Variants in TIAM2 observed in about 807,000 individuals in gnomAD.
The protein encoded by TIAM2 is rho guanine nucleotide exchange factor TIAM2.
In TIAM2, 80 loss-of-function variants were observed where a neutral mutation model predicts 152.9. That is an observed-to-expected ratio of 0.52 (90% CI 0.44 to 0.63). The LOEUF is 0.63. Among genes scored for constraint, TIAM2 ranks in the 30% least tolerant of loss-of-function variants. TIAM2 has a pLI of 0.00. For synonymous variants in TIAM2, 804 were observed against 838.0 expected, an observed-to-expected ratio of 0.96 and a Z score of 0.70; for missense variants, 1,965 against 2,120.1, an observed-to-expected ratio of 0.93 and a Z score of 1.44.
intron 1 of TIAM2, among the ~76,000 whole-genome samples, chr6:155,057,017 C>CTTTTTTTTTTTTTTTTTTTTTTTT (rs71023612): frequency 2.3e-5 from 1 of 43,870 alleles, no homozygotes; most frequent in African/African-American, 8.1e-5. Flanking sequence ...AGTTTTCTTT[C>CTTTTTTTTTTTTTTTTTTTTTTTT]TTTTTTTTTT....
At chr6:155,150,432 A>C (rs1215258293) in intron 7 of TIAM2, among the ~76,000 whole-genome samples, 2 of 152,102 alleles carry the variant, frequency 1.3e-5, no homozygotes, top group Non-Finnish European at 2.9e-5. Flanking sequence ...TGGTGTTAAA[A>C]AGTTGTTAAG....
chr6:155,102,123 A>C (rs1417120853), intron 2 of TIAM2, among the ~76,000 whole-genome samples: 1 of 151,676 alleles, frequency 6.6e-6, no homozygotes, highest in Non-Finnish European at 1.5e-5. Flanking sequence ...CAGCCTCCCA[A>C]ATAGCTAGGG....
intron 1 of TIAM2, among the ~76,000 whole-genome samples, chr6:155,008,450 A>G (rs928176474): frequency 6.6e-6 from 1 of 152,254 alleles, no homozygotes; most frequent in Non-Finnish European, 1.5e-5. Flanking sequence ...GGTGAAACAC[A>G]GTCACTTTCC....
In TIAM2 at chr6:155,144,329, A is replaced by G. The variant is rs111754183; in HGVS notation, c.1631-277A>G. Among the ~76,000 whole-genome samples, 174 of 152,346 alleles carry G rather than the reference A, an allele frequency of 1.1e-3. 1 individual carries two copies. The highest frequency in any genetic ancestry group is 4.0e-3 in the African/African-American group (165 of 41,584). ...TTAGGGCCTCTATGGGGATTAAATA[A>G]GCCAGTGCATGTGGAGTACTTAGAA... On this transcript the variant is annotated intron_variant, in intron 5 of 26. Coordinates refer to ENST00000682666, the MANE Select transcript of TIAM2 (RefSeq NM_012454.4).
chr6:155,118,848 A>C (rs1457803574), intron 2 of TIAM2, among the ~76,000 whole-genome samples: 1 of 143,884 alleles, frequency 7.0e-6, no homozygotes, highest in Non-Finnish European at 1.5e-5. Context: ...TTGAATGTCC[A>C]GTGAATGTGT....
intron 2 of TIAM2, among the ~76,000 whole-genome samples, chr6:155,105,158 G>T (rs542414477): frequency 6.6e-6 from 1 of 151,858 alleles, no homozygotes; most frequent in East Asian, 1.9e-4. Context: ...GGGTTTCACC[G>T]TGTTAGCCAG....
intron 4 of TIAM2, among the ~76,000 whole-genome samples, chr6:155,131,922 T>C (rs1779458696): frequency 6.6e-6 from 1 of 152,058 alleles, no homozygotes; most frequent in Non-Finnish European, 1.5e-5. Context: ...GCTAATGGCA[T>C]CCTGAAAATA....
chr6:155,003,030 C>A (rs1366304765), intron 1 of TIAM2, among the ~76,000 whole-genome samples: 1 of 151,946 alleles, frequency 6.6e-6, no homozygotes, highest in Non-Finnish European at 1.5e-5. Flanking sequence ...TTATATCCAG[C>A]CTGGTGCTTT....
rs541402830 is a variant in TIAM2, at chr6:155,241,366, C to T, written c.3348+657C>T. On this transcript the variant is annotated intron_variant, in intron 16 of 26. Transcript: ENST00000682666. ...TGGAGCTTTGGTACCATTTGAAGCT[C>T]GCTTCATTTGTCAGTTACTGAAGCA... Among the ~76,000 whole-genome samples, 7 of 152,300 alleles carry T rather than the reference C, an allele frequency of 4.6e-5. No homozygotes were observed. In the South Asian group the frequency reaches 8.3e-4, roughly 18 times the overall value.
intron 14 of TIAM2, among the ~76,000 whole-genome samples, chr6:155,198,140 T>G (rs774041195): frequency 1.3e-5 from 2 of 152,228 alleles, no homozygotes; most frequent in Non-Finnish European, 2.9e-5. Flanking sequence ...TCTTGGGCTC[T>G]TCCTCTTTTG....
Position 155,211,260 on chromosome 6 carries a change from A to C in TIAM2, c.3121A>C (p.Thr1041Pro). 1 of 1,613,624 alleles carries C rather than the reference A, an allele frequency of 6.2e-7. No homozygotes were observed. Among genetic ancestry groups the C allele is most frequent in the Non-Finnish European group, 8.5e-7 (1 of 1,179,620 alleles). Residue 1041 changes from threonine to proline, a missense_variant, in exon 15 of 27, where the codon ACT becomes CCT. Around this residue, in one of 3 missense-constraint regions of TIAM2, gnomAD observed 935 missense variants for 980.0 expected, o/e 0.95. Coordinates refer to ENST00000682666, the MANE Select transcript of TIAM2 (RefSeq NM_012454.4). ...TGLKRSQTDG[T>P]LDQVSHREKM... is the part of the protein sequence containing the mutation. ...TCTGAAAAGGAGTCAGACAGATGGC[A>C]CTCTGGATCAGGTTTCCCACAGGGA... is the stretch of plus-strand genomic sequence containing the variant.
At chr6:155,250,658 C>A in intron 21 of TIAM2, 3 of 1,521,934 alleles carry the variant, frequency 2.0e-6, no homozygotes, top group Non-Finnish European at 2.6e-6. Flanking sequence ...GAGTTGGTCA[C>A]AAGGCATGTC....
intron 1 of TIAM2, among the ~76,000 whole-genome samples, chr6:155,027,118 C>T (rs998746793): frequency 5.3e-5 from 8 of 151,808 alleles, no homozygotes; most frequent in African/African-American, 1.9e-4. Context: ...TCACTACAAC[C>T]TCTGCCTCCT....
At chr6:155,211,389 G>A in intron 15 of TIAM2, 82 bp downstream of exon 15, 1 of 1,112,320 alleles carries the variant, frequency 9.0e-7, no homozygotes, top group Non-Finnish European at 1.3e-6. Flanking sequence ...GGGGAAAGGA[G>A]ATGGAGTTAC....
intron 21 of TIAM2, 58 bp from the exon 22 acceptor site, chr6:155,250,855 A>G (rs1370461981): frequency 1.6e-5 from 24 of 1,496,250 alleles, no homozygotes; most frequent in Non-Finnish European, 1.6e-5. Flanking sequence ...CTATCTAACA[A>G]GAGATCATCT....
intron 1 of TIAM2, among the ~76,000 whole-genome samples, chr6:155,043,232 A>G (rs1018088544): frequency 1.3e-5 from 2 of 152,168 alleles, no homozygotes; most frequent in Non-Finnish European, 2.9e-5. Context: ...GGGGGCTTTT[A>G]GAGATCATCT....
At chr6:155,103,590 G>A (rs1778595694) in intron 2 of TIAM2, among the ~76,000 whole-genome samples, 1 of 151,784 alleles carries the variant, frequency 6.6e-6, no homozygotes, top group Admixed American at 6.6e-5. Context: ...CGGGTGTGGT[G>A]GTGCATGCCT....
At chr6:155,050,682 G>C (rs986548130) in intron 1 of TIAM2, among the ~76,000 whole-genome samples, 1 of 152,188 alleles carries the variant, frequency 6.6e-6, no homozygotes, top group Non-Finnish European at 1.5e-5. Flanking sequence ...ATTGGCCAGA[G>C]ATCCTCAAAC....
At chr6:155,155,332 A>G (rs1780079232) in intron 7 of TIAM2, among the ~76,000 whole-genome samples, 1 of 151,894 alleles carries the variant, frequency 6.6e-6, no homozygotes, top group African/African-American at 2.4e-5. Flanking sequence ...ATGTGCCACT[A>G]CGTCCTGGTA....
Sources: gnomAD v4.1 joint callset for allele counts (sites outside exome capture counted in the v4.1 genomes callset) on GRCh38, gnomAD v4.1.1 for gene constraint, gnomAD v4.1.1 regional missense constraint, MANE v1.5 for transcripts, NCBI Gene and HGNC (gene_info 2026-07-23, HGNC 2026-07-21) for gene names.